Variants in STK39 observed in about 807,000 individuals in gnomAD.
STK39 encodes STE20/SPS1-related proline-alanine-rich protein kinase.
Under a neutral mutation model 77.8 loss-of-function variants are expected in STK39, and 20 were observed. The ratio of observed to expected loss-of-function variants is 0.26; its 90% confidence interval spans 0.18 to 0.37. STK39 has a LOEUF of 0.37. Ranked by LOEUF, STK39 falls within the 10% of genes least tolerant of loss-of-function variation. The pLI is 1.00. For synonymous variants in STK39, 246 were observed against 234.1 expected, an observed-to-expected ratio of 1.05 and a Z score of -0.47; for missense variants, 479 against 656.5, an observed-to-expected ratio of 0.73 and a Z score of 2.95.
chr2:168,050,125 T>C (rs1456138429), intron 14 of STK39, among the ~76,000 whole-genome samples: 2 of 152,194 alleles, frequency 1.3e-5, no homozygotes, highest in African/African-American at 4.8e-5. Context: ...CTTTGTAACA[T>C]TTGGCATACA....
intron 5 of STK39, among the ~76,000 whole-genome samples, chr2:168,158,862 G>A (rs187424105): frequency 2.6e-5 from 4 of 152,214 alleles, no homozygotes; most frequent in African/African-American, 4.8e-5. Flanking sequence ...TTATACCCAC[G>A]TTCAATAGAA....
intron 3 of STK39, among the ~76,000 whole-genome samples, chr2:168,166,448 T>G (rs1339909344): frequency 6.6e-6 from 1 of 152,216 alleles, no homozygotes; most frequent in African/African-American, 2.4e-5. Flanking sequence ...GGAAGTGACT[T>G]TCCCTTCCCA....
At position 168,199,988 on chromosome 2, in the gene STK39, A is replaced by T. The variant is rs977419913; in HGVS notation, c.209-17898T>A. Among the ~76,000 whole-genome samples the T allele has an allele frequency of 5.3e-5, 8 of 152,340 alleles. No homozygotes were observed. In the East Asian group the frequency reaches 1.5e-3, roughly 29 times the overall value. ...TTGGAAATATCTGGGCTATAAGAGTATCTGGAACTCATATTTGATTTCAAG... is the reference window on the plus strand; with the variant it reads ...TTGGAAATATCTGGGCTATAAGAGTTTCTGGAACTCATATTTGATTTCAAG... On this transcript the variant is annotated intron_variant, in intron 1 of 17. Coordinates refer to ENST00000355999, the MANE Select transcript of STK39 (RefSeq NM_013233.3).
At chr2:168,104,741 G>C (rs926961962) in intron 10 of STK39, among the ~76,000 whole-genome samples, 1 of 152,180 alleles carries the variant, frequency 6.6e-6, no homozygotes, top group Non-Finnish European at 1.5e-5. Flanking sequence ...CATTCTGGAA[G>C]ACAATTTGCC....
chr2:168,103,568 G>C (rs1686891295), intron 10 of STK39, among the ~76,000 whole-genome samples: 1 of 152,198 alleles, frequency 6.6e-6, no homozygotes, highest in South Asian at 2.1e-4. Context: ...AAGATAGTTA[G>C]GGCCCAGCAG....
chr2:168,114,244 GAAGAACGA>G (rs1355206928), intron 10 of STK39, among the ~76,000 whole-genome samples: 3 of 152,272 alleles, frequency 2.0e-5, no homozygotes, highest in Admixed American at 2.0e-4. Flanking sequence ...AGACAGGAAG[GAAGAACGA>G]AAGAGCAGGA....
At chr2:168,036,402 C>CTTTGGAGGAAA (rs11275218) in intron 14 of STK39, among the ~76,000 whole-genome samples, 10,405 of 152,156 alleles carry the variant, frequency 0.068, 666 homozygotes, top group East Asian at 0.2. Flanking sequence ...AAACAGGTGC[C>CTTTGGAGGAAA]ACATTACTGA....
chr2:167,962,757 A>T (rs1406198981), intron 17 of STK39, among the ~76,000 whole-genome samples: 1 of 152,222 alleles, frequency 6.6e-6, no homozygotes, highest in Non-Finnish European at 1.5e-5. Flanking sequence ...AGAAAACTGT[A>T]CAGCCCTAAG....
chr2:168,021,784 A>ATTT (rs776609425), intron 14 of STK39, among the ~76,000 whole-genome samples: 1 of 142,568 alleles, frequency 7.0e-6, no homozygotes, highest in Non-Finnish European at 1.5e-5. Context: ...CAGAAAGGAC[A>ATTT]TTTATTTTTT....
chr2:168,006,791 C>T (rs565653537), intron 16 of STK39, among the ~76,000 whole-genome samples: 22 of 152,324 alleles, frequency 1.4e-4, no homozygotes, highest in African/African-American at 4.8e-4. Flanking sequence ...AAGCACAAGT[C>T]AAGTGGGTTT....
At chr2:168,058,592 C>T (rs1685584420) in intron 14 of STK39, among the ~76,000 whole-genome samples, 1 of 152,232 alleles carries the variant, frequency 6.6e-6, no homozygotes, top group Admixed American at 6.5e-5. Context: ...ATGTGCAAAA[C>T]TGAGTTCTTT....
intron 16 of STK39, among the ~76,000 whole-genome samples, chr2:168,006,913 G>A (rs949042542): frequency 1.1e-4 from 16 of 152,112 alleles, no homozygotes; most frequent in Admixed American, 4.6e-4. Flanking sequence ...ATTCTGATTC[G>A]CGAAGGTCGG....
chr2:167,970,344 C>T (rs888170940), intron 16 of STK39, among the ~76,000 whole-genome samples: 38 of 152,276 alleles, frequency 2.5e-4, no homozygotes, highest in African/African-American at 3.8e-4. Flanking sequence ...CTGACATAGA[C>T]GGATATCAAT....
At chr2:168,175,770 C>T (rs10170438) in intron 2 of STK39, among the ~76,000 whole-genome samples, 42,574 of 151,906 alleles carry the variant, frequency 0.28, 6,908 homozygotes, top group East Asian at 0.56. Context: ...CACCAAATTA[C>T]GTGAAAATAG....
At chr2:167,970,621 C>G (rs949355363) in intron 16 of STK39, among the ~76,000 whole-genome samples, 3 of 152,170 alleles carry the variant, frequency 2.0e-5, no homozygotes, top group Non-Finnish European at 4.4e-5. Flanking sequence ...CCTGTTAAAG[C>G]AAAGTAAATA....
chr2:168,125,700 C>T (rs1687522488), intron 10 of STK39, among the ~76,000 whole-genome samples: 1 of 152,192 alleles, frequency 6.6e-6, no homozygotes, highest in African/African-American at 2.4e-5. Context: ...TCCTCAGTTT[C>T]TACAATTACC....
At chr2:168,183,298 A>T (rs1276403086) in intron 1 of STK39, among the ~76,000 whole-genome samples, 4 of 152,146 alleles carry the variant, frequency 2.6e-5, no homozygotes, top group African/African-American at 4.8e-5. Flanking sequence ...ATTCCAGGGA[A>T]GCCCAATTTG....
intron 14 of STK39, among the ~76,000 whole-genome samples, chr2:168,056,980 C>A (rs1685543482): frequency 6.6e-6 from 1 of 152,110 alleles, no homozygotes; most frequent in Non-Finnish European, 1.5e-5. Flanking sequence ...GTTTTTGATA[C>A]TCAAAGAGCT....
chr2:168,145,526 C>T lies in STK39; in HGVS notation c.629-4768G>A, dbSNP rs568713292. Among the ~76,000 whole-genome samples the T allele has an allele frequency of 9.2e-5, 14 of 152,226 alleles. No individual in the cohort carries two copies. In the South Asian group the frequency reaches 1.2e-3, roughly 14 times the overall value. Reference sequence around the variant, plus strand: ...TCCCAGTTTTCCCAAAAAAGCCAAACATTGGAATCTTTATGAAAAAGCTCC... The same window carrying T: ...TCCCAGTTTTCCCAAAAAAGCCAAATATTGGAATCTTTATGAAAAAGCTCC... On this transcript the variant is annotated intron_variant, in intron 5 of 17. Coordinates refer to ENST00000355999, the MANE Select transcript of STK39 (RefSeq NM_013233.3).
Sources: allele counts gnomAD v4.1 joint callset (sites outside exome capture counted in the v4.1 genomes callset), GRCh38; gene constraint gnomAD v4.1.1; transcripts MANE v1.5; gene names NCBI Gene and HGNC (gene_info 2026-07-23, HGNC 2026-07-21).